RBFOX1: variants seen among roughly 807,000 people sequenced by gnomAD.
RBFOX1 encodes RNA binding fox-1 homolog 1.
A neutral mutation model predicts 57.7 loss-of-function variants in RBFOX1; 8 were observed. The ratio of observed to expected loss-of-function variants is 0.14; its 90% confidence interval spans 0.08 to 0.25. RBFOX1 has a LOEUF of 0.25. Ranked by LOEUF, RBFOX1 falls within the 10% of genes least tolerant of loss-of-function variation. The probability of loss-of-function intolerance (pLI) is 1.00; values close to 1 mark genes in which losing one functional copy is unlikely to be tolerated. For synonymous variants in RBFOX1, 326 were observed against 222.4 expected (o/e 1.47, Z -4.15); for missense variants, 611 against 548.5 (o/e 1.11, Z -1.14).
At chr16:6,126,413 A>T (rs1212295361) in intron 1 of RBFOX1, among the ~76,000 whole-genome samples, 1 of 151,450 alleles carries the variant, frequency 6.6e-6, no homozygotes, top group Non-Finnish European at 1.5e-5. Flanking sequence ...GGTGATTCTT[A>T]TTTTTTTTTA....
chr16:7,392,225 A>T (rs770516329), intron 4 of RBFOX1, among the ~76,000 whole-genome samples: 94 of 151,982 alleles, frequency 6.2e-4, no homozygotes, highest in Non-Finnish European at 1.2e-3. Context: ...TCCCTTTTTC[A>T]TGGAAGCCCT....
chr16:6,174,261 G>A (rs142912078), intron 1 of RBFOX1, among the ~76,000 whole-genome samples: 9 of 152,126 alleles, frequency 5.9e-5, no homozygotes, highest in Non-Finnish European at 1.2e-4. Context: ...TCACTGTTGC[G>A]CTGTCATCAG....
chr16:6,014,967 C>G (rs893108439), upstream of RBFOX1, among the ~76,000 whole-genome samples: 2 of 151,912 alleles, frequency 1.3e-5, no homozygotes, highest in South Asian at 2.1e-4. Flanking sequence ...GCAATCCCCC[C>G]ACCTCAGCCT....
chr16:7,187,403 C>T (rs2084123798), intron 4 of RBFOX1, among the ~76,000 whole-genome samples: 1 of 151,878 alleles, frequency 6.6e-6, no homozygotes, highest in African/African-American at 2.4e-5. Context: ...TATAAGAAAG[C>T]CCTTGGCCAG....
chr16:7,012,342 A>G lies in RBFOX1; in HGVS notation c.-15-39715A>G, dbSNP rs562852554. 3.3e-5 allele frequency among the ~76,000 whole-genome samples: 5 copies of G among 152,296 alleles called. No individual in the cohort carries two copies. In the East Asian group the frequency reaches 9.7e-4, roughly 29 times the overall value. On this transcript the variant is annotated intron_variant, in intron 3 of 15. Coordinates refer to ENST00000550418, the MANE Select transcript of RBFOX1 (RefSeq NM_018723.4). ...CATAACTACTAGTGACAGACCTGGG[A>G]CTGAATCAGGTCTCTTCAATTCCAT...
At chr16:5,596,316 G>A (rs747408812) in intron 2 of RBFOX1, among the ~76,000 whole-genome samples, 2 of 152,168 alleles carry the variant, frequency 1.3e-5, no homozygotes, top group African/African-American at 4.8e-5. Context: ...GCTTCCCCTG[G>A]AAGACTCTTA....
At chr16:7,266,760 T>C (rs1358830086) in intron 4 of RBFOX1, among the ~76,000 whole-genome samples, 2 of 151,700 alleles carry the variant, frequency 1.3e-5, no homozygotes, top group African/African-American at 4.9e-5. Flanking sequence ...TAATGTTAAA[T>C]GCTACAAAGG....
In RBFOX1 at chr16:6,218,648, C is replaced by A. The variant is rs566049368; in HGVS notation, c.-126-98347C>A. Among the ~76,000 whole-genome samples, 343 of 152,136 alleles carry A rather than the reference C, an allele frequency of 2.3e-3. 3 individuals are homozygous for A. Among genetic ancestry groups the A allele is most frequent in the Middle Eastern group, 3.4e-3 (1 of 294 alleles). On this transcript the variant is annotated intron_variant, in intron 1 of 15. Coordinates refer to ENST00000550418, the MANE Select transcript of RBFOX1 (RefSeq NM_018723.4). Reference sequence around the variant, plus strand: ...CTCTTGTTTTTAATAAGAGGAAAGCCCAGCTTTTGCTTCACCTAGTTCACA... The same window carrying A: ...CTCTTGTTTTTAATAAGAGGAAAGCACAGCTTTTGCTTCACCTAGTTCACA...
At chr16:7,081,526 T>A (rs2059198914) in intron 4 of RBFOX1, among the ~76,000 whole-genome samples, 1 of 152,208 alleles carries the variant, frequency 6.6e-6, no homozygotes, top group South Asian at 2.1e-4. Flanking sequence ...CATTTCTCAC[T>A]AATGATGGGA....
intron 3 of RBFOX1, among the ~76,000 whole-genome samples, chr16:6,828,435 A>C (rs777174770): frequency 4.6e-5 from 7 of 152,034 alleles, no homozygotes; most frequent in Non-Finnish European, 1.0e-4. Context: ...GAGGCAGGAG[A>C]ATCACTTGAA....
At chr16:7,124,540 T>TCC (rs1175479860) in intron 4 of RBFOX1, among the ~76,000 whole-genome samples, 8 of 32,658 alleles carry the variant, frequency 2.4e-4, no homozygotes, top group South Asian at 2.2e-3. Context: ...CTTCCTTCCC[T>TCC]CTCTCCCTCC....
intron 1 of RBFOX1, among the ~76,000 whole-genome samples, chr16:6,157,209 G>T (rs781773369): frequency 1.3e-5 from 2 of 151,788 alleles, no homozygotes; most frequent in African/African-American, 4.8e-5. Flanking sequence ...TCCCTTTAAA[G>T]TGTACAAATA....
At chr16:6,850,651 C>A (rs868833371) in intron 3 of RBFOX1, among the ~76,000 whole-genome samples, 13 of 152,162 alleles carry the variant, frequency 8.5e-5, no homozygotes, top group African/African-American at 3.1e-4. Context: ...TGCAATATTT[C>A]TACCTTCTTT....
chr16:6,273,411 C>G (rs2075437265), intron 1 of RBFOX1, among the ~76,000 whole-genome samples: 3 of 117,938 alleles, frequency 2.5e-5, no homozygotes, highest in African/African-American at 9.8e-5. Context: ...ATGACAAAAT[C>G]TAGACTCACT....
intron 2 of RBFOX1, among the ~76,000 whole-genome samples, chr16:5,581,365 C>T (rs902005721): frequency 6.6e-6 from 1 of 152,346 alleles, no homozygotes; most frequent in South Asian, 2.1e-4. Flanking sequence ...TAATTAAACA[C>T]TCTTTTGTCC....
At chr16:7,347,125 A>G (rs936267678) in intron 4 of RBFOX1, among the ~76,000 whole-genome samples, 1 of 152,152 alleles carries the variant, frequency 6.6e-6, no homozygotes, top group Non-Finnish European at 1.5e-5. Context: ...GCTTGTAAGG[A>G]CATTTAGCAA....
At chr16:7,294,524 GAA>G (rs35719031) in intron 4 of RBFOX1, among the ~76,000 whole-genome samples, 47 of 123,814 alleles carry the variant, frequency 3.8e-4, no homozygotes, top group Non-Finnish European at 5.3e-4. Flanking sequence ...GTGTTGGCAA[GAA>G]AAAAAAAAAA....
intron 3 of RBFOX1, among the ~76,000 whole-genome samples, chr16:6,744,554 C>T (rs955084684): frequency 6.6e-6 from 1 of 151,872 alleles, no homozygotes; most frequent in Non-Finnish European, 1.5e-5. Context: ...ATGAAAATCT[C>T]CAAACACTTG....
intron 1 of RBFOX1, among the ~76,000 whole-genome samples, chr16:5,449,029 G>A (rs2068339634): frequency 6.6e-6 from 1 of 152,114 alleles, no homozygotes; most frequent in African/African-American, 2.4e-5. Context: ...GTATTGAGCT[G>A]CACGGGACTG....
Sources: allele counts gnomAD v4.1 joint callset (sites outside exome capture counted in the v4.1 genomes callset), GRCh38; gene constraint gnomAD v4.1.1; transcripts MANE v1.5; gene names NCBI Gene and HGNC (gene_info 2026-07-23, HGNC 2026-07-21).